RBBP8: variants seen among roughly 807,000 people sequenced by gnomAD.
The protein encoded by RBBP8 is RB binding protein 8, endonuclease, also known as DNA endonuclease RBBP8.
RBBP8 carries 88 observed loss-of-function variants against 108.3 expected under a neutral mutation model. That is an observed-to-expected ratio of 0.81 (90% CI 0.68 to 0.97). The LOEUF (loss-of-function observed/expected upper bound fraction) is 0.97. RBBP8 is among the 50% of genes least tolerant of loss of function. The pLI, the probability that RBBP8 is intolerant of heterozygous loss-of-function variation, is 0.00. For synonymous variants in RBBP8, 332 were observed against 348.2 expected (o/e 0.95, Z 0.52); for missense variants, 1,023 against 1,049.0 (o/e 0.98, Z 0.34).
intron 2 of RBBP8, among the ~76,000 whole-genome samples, chr18:22,943,764 A>G (rs569138065): frequency 6.6e-6 from 1 of 152,176 alleles, no homozygotes; most frequent in Non-Finnish European, 1.5e-5. Flanking sequence ...ATGACAGTAC[A>G]TACATTTTAT....
chr18:23,006,997 G>A (rs1227979017), intron 16 of RBBP8, among the ~76,000 whole-genome samples: 4 of 150,730 alleles, frequency 2.7e-5, no homozygotes, highest in South Asian at 4.2e-4. Context: ...GTGTGTGTGC[G>A]TGTGCATGTG....
intron 6 of RBBP8, among the ~76,000 whole-genome samples, chr18:22,977,124 T>C (rs1024165997): frequency 3.9e-5 from 6 of 152,108 alleles, no homozygotes; most frequent in African/African-American, 1.4e-4. Context: ...TTCTGAAATA[T>C]AAGATAGTTG....
At chr18:22,917,606 T>G (rs1909409786) in intron 3 of RBBP8, among the ~76,000 whole-genome samples, 5 of 152,212 alleles carry the variant, frequency 3.3e-5, no homozygotes, top group Admixed American at 2.6e-4. Flanking sequence ...CTGAAGTATT[T>G]CAGTATTTTC....
intron 15 of RBBP8, 82 bp from the exon 16 acceptor site, chr18:23,006,281 G>C: frequency 8.2e-7 from 1 of 1,215,500 alleles, no homozygotes; most frequent in Non-Finnish European, 1.2e-6. Flanking sequence ...AAGTTTGAGT[G>C]CGTGTCATTT....
chr18:22,977,981 A>G (rs1914608607), intron 6 of RBBP8: 1 of 152,146 alleles, frequency 6.6e-6, no homozygotes, highest in Middle Eastern at 3.2e-3. Context: ...ATTTTTAAAA[A>G]TGTTTTAGTT....
At chr18:22,968,265 T>C (rs999169547) in intron 4 of RBBP8, among the ~76,000 whole-genome samples, 3 of 151,698 alleles carry the variant, frequency 2.0e-5, no homozygotes, top group Non-Finnish European at 4.4e-5. Flanking sequence ...GTAGAGACGG[T>C]GTTTACTGTA....
At chr18:22,989,451 T>G in intron 9 of RBBP8, 133 bp downstream of exon 9, 1 of 636,024 alleles carries the variant, frequency 1.6e-6, no homozygotes, top group Non-Finnish European at 2.8e-6. Flanking sequence ...ACTTACATTG[T>G]TAGAAAGTCC....
At chr18:22,949,351 A>T (rs767606497) in intron 3 of RBBP8, among the ~76,000 whole-genome samples, 1 of 152,248 alleles carries the variant, frequency 6.6e-6, no homozygotes, top group African/African-American at 2.4e-5. Context: ...TAATAAATAT[A>T]TGCAAAATAA....
In RBBP8 at chr18:23,026,273, G is replaced by GT. The variant is rs1179812040; in HGVS notation, c.*39dup. 5.8e-6 allele frequency: 9 copies of GT among 1,548,402 alleles called. No individual in the cohort carries two copies. The highest frequency in any genetic ancestry group is 8.0e-6 in the Non-Finnish European group (9 of 1,121,602). On this transcript the variant is annotated 3_prime_UTR_variant, in exon 19 of 19. Transcript: ENST00000327155. ...AACAGAAACAGAAGGATGAAGGACAGTTTTTTCCTTCTTAGTTATTTATAG... is the reference window on the plus strand; with the variant it reads ...AACAGAAACAGAAGGATGAAGGACAGTTTTTTTCCTTCTTAGTTATTTATAG...
At chr18:22,926,510 G>A (rs1410216039) in intron 3 of RBBP8, among the ~76,000 whole-genome samples, 1 of 151,988 alleles carries the variant, frequency 6.6e-6, no homozygotes, top group African/African-American at 2.4e-5. Context: ...TTTAAACCTG[G>A]GCAACTATGA....
In RBBP8 at chr18:22,989,740, A is replaced by C. The variant is rs115101744; in HGVS notation, c.807+422A>C. On this transcript the variant is annotated intron_variant, in intron 9 of 18. Coordinates refer to ENST00000327155, the MANE Select transcript of RBBP8 (RefSeq NM_002894.3). ...GCAGTGGCTATTCACAGACACAGTC[A>C]TGGAGCCCTATAGCTTCAAACTCCT... Among the ~76,000 whole-genome samples, 516 of 152,214 alleles carry C rather than the reference A, an allele frequency of 3.4e-3. 2 individuals carry two copies. Among genetic ancestry groups the C allele is most frequent in the African/African-American group, 0.012 (483 of 41,532 alleles).
In RBBP8 at chr18:23,026,246, G is replaced by A. The variant is rs772493084; in HGVS notation, c.*6G>A. 5 of 1,604,994 alleles carry A rather than the reference G, an allele frequency of 3.1e-6. No individual in the cohort carries two copies. Among genetic ancestry groups the A allele is most frequent in the Non-Finnish European group, 4.3e-6 (5 of 1,172,100 alleles). On this transcript the variant is annotated 3_prime_UTR_variant, in exon 19 of 19. Coordinates refer to ENST00000327155, the MANE Select transcript of RBBP8 (RefSeq NM_002894.3). Reference sequence around the variant, plus strand: ...GCAAGGAGCAGAAGACATAGACGTTGAAACAGAAACAGAAGGATGAAGGAC... The same window carrying A: ...GCAAGGAGCAGAAGACATAGACGTTAAAACAGAAACAGAAGGATGAAGGAC...
At chr18:22,939,234 C>T (rs1259502145) in intron 2 of RBBP8, among the ~76,000 whole-genome samples, 3 of 152,136 alleles carry the variant, frequency 2.0e-5, no homozygotes, top group Non-Finnish European at 2.9e-5. Flanking sequence ...AGGCTGGGCA[C>T]GGTGGCTCAC....
chr18:23,001,398 ATAT>A (rs1321825256), intron 14 of RBBP8, among the ~76,000 whole-genome samples, 185 bp from the exon 15 acceptor site: 1 of 152,234 alleles, frequency 6.6e-6, no homozygotes, highest in Non-Finnish European at 1.5e-5. Flanking sequence ...TTTGTTGCAC[ATAT>A]TATTACATTA....
intron 4 of RBBP8, among the ~76,000 whole-genome samples, chr18:22,951,756 C>T (rs912262193): frequency 3.9e-5 from 6 of 152,200 alleles, no homozygotes; most frequent in Non-Finnish European, 7.3e-5. Context: ...ACAACCCCCT[C>T]CTCGGGTTAT....
intron 3 of RBBP8, 125 bp from the exon 4 acceptor site, chr18:22,949,493 A>G: frequency 6.8e-6 from 5 of 739,662 alleles, no homozygotes; most frequent in East Asian, 2.5e-5. Flanking sequence ...AGATATTCCA[A>G]CCTGACCTTT....
intron 17 of RBBP8, among the ~76,000 whole-genome samples, chr18:23,017,666 A>G (rs139356286): frequency 0.015 from 2,311 of 151,130 alleles, 72 homozygotes; most frequent in African/African-American, 0.054. Flanking sequence ...AAAAAAAAAA[A>G]TTATTTTTAC....
chr18:22,968,870 G>C lies in RBBP8; in HGVS notation c.313G>C (p.Glu105Gln), dbSNP rs753791171. The C allele has an allele frequency of 6.2e-7, 1 of 1,613,518 alleles. No homozygotes were observed. The highest frequency in any genetic ancestry group is 1.1e-5 in the South Asian group (1 of 91,062). Residue 105 changes from glutamate to glutamine, a missense_variant, in exon 5 of 19, where the codon GAG becomes CAG. Transcript: ENST00000327155. ...TEEHMRKKQQ[E>Q]FENIRQQNLK... ...AGAACATATGCGGAAAAAACAGCAA[G>C]AGTTTGAAAATATCCGGCAGCAGAA...
intron 10 of RBBP8, among the ~76,000 whole-genome samples, chr18:22,991,283 A>G (rs1166460487): frequency 6.6e-6 from 1 of 152,242 alleles, no homozygotes; most frequent in Non-Finnish European, 1.5e-5. Flanking sequence ...GTCAAGCAGT[A>G]CTTGTTCCCA....
Sources: gnomAD v4.1 joint callset for allele counts (sites outside exome capture counted in the v4.1 genomes callset) on GRCh38, gnomAD v4.1.1 for gene constraint, MANE v1.5 for transcripts, NCBI Gene and HGNC (gene_info 2026-07-23, HGNC 2026-07-21) for gene names.